Variants in PHACTR4 observed in about 807,000 individuals in gnomAD.
The protein encoded by PHACTR4 is protein phosphatase 1, regulatory subunit 124.
In PHACTR4, 51 loss-of-function variants were observed where a neutral mutation model predicts 72.7. The ratio of observed to expected loss-of-function variants is 0.70; its 90% CI spans 0.56 to 0.89. PHACTR4 has a LOEUF of 0.89. Among genes scored for constraint, PHACTR4 ranks in the 40% least tolerant of loss-of-function variants. The pLI is 0.00. For synonymous variants in PHACTR4, 255 were observed against 302.5 expected, an observed-to-expected ratio of 0.84 and a Z score of 1.63; for missense variants, 731 against 861.8, an observed-to-expected ratio of 0.85 and a Z score of 1.90.
chr1:28,455,069 C>T (rs1658277987), intron 2 of PHACTR4, among the ~76,000 whole-genome samples: 3 of 151,952 alleles, frequency 2.0e-5, no homozygotes, highest in African/African-American at 4.8e-5. Flanking sequence ...AGGGTTTCCT[C>T]ATGTTGGCCA....
chr1:28,408,837 G>T lies in PHACTR4; in HGVS notation c.16+1374G>T, dbSNP rs1026285840. Among the ~76,000 whole-genome samples, 4 of 138,572 alleles carry T rather than the reference G, an allele frequency of 2.9e-5. No homozygotes were observed. The South Asian group carries it at 6.6e-4, about 23-fold the overall frequency. The allele number at this position is 138,572 out of a possible 152,430, so 90.9% of individuals were successfully genotyped here. ...ACTATAGGTGTGCACCCCTATGCCC[G>T]ACTGATTTTTTTTTTTTTTTTTGGT... On this transcript the variant is annotated intron_variant, in intron 2 of 13. Transcript: ENST00000373839.
intron 2 of PHACTR4, among the ~76,000 whole-genome samples, chr1:28,425,772 G>C (rs939087176): frequency 2.0e-5 from 3 of 152,220 alleles, no homozygotes; most frequent in Non-Finnish European, 4.4e-5. Context: ...ATTAGGAAGA[G>C]TTGTGAAAGA....
intron 2 of PHACTR4, among the ~76,000 whole-genome samples, chr1:28,432,371 C>CT (rs112055906): frequency 0.32 from 42,903 of 135,534 alleles, 6,925 homozygotes; most frequent in Middle Eastern, 0.36. Context: ...CTCTCTCTCT[C>CT]TTTTTTTTTT....
intron 2 of PHACTR4, among the ~76,000 whole-genome samples, chr1:28,412,911 T>C (rs1387984472): frequency 6.6e-6 from 1 of 152,134 alleles, no homozygotes; most frequent in Non-Finnish European, 1.5e-5. Flanking sequence ...AGGGAGTGAT[T>C]AGCTCTGTGG....
intron 3 of PHACTR4, 97 bp downstream of exon 3, chr1:28,459,355 T>TTCAA: frequency 1.0e-6 from 1 of 986,714 alleles, no homozygotes; most frequent in Non-Finnish European, 1.5e-6. Context: ...TGTAGTCCTC[T>TTCAA]ATTTGAAGAG....
intron 2 of PHACTR4, among the ~76,000 whole-genome samples, chr1:28,412,541 T>G (rs1355023805): frequency 6.6e-6 from 1 of 152,228 alleles, no homozygotes; most frequent in African/African-American, 2.4e-5. Context: ...TCACTGTAAC[T>G]GTGTAGTTGT....
At chr1:28,419,883 G>T (rs1478501577) in intron 2 of PHACTR4, among the ~76,000 whole-genome samples, 1 of 152,114 alleles carries the variant, frequency 6.6e-6, no homozygotes, top group Non-Finnish European at 1.5e-5. Flanking sequence ...TTTGTCTAGT[G>T]ACAACCCATA....
chr1:28,394,446 A>G (rs1653319468), intron 1 of PHACTR4, among the ~76,000 whole-genome samples: 1 of 152,060 alleles, frequency 6.6e-6, no homozygotes, highest in African/African-American at 2.4e-5. Context: ...CTACCACACC[A>G]AGCTAATTTT....
At chr1:28,438,139 G>T in intron 2 of PHACTR4, 2 of 1,175,768 alleles carry the variant, frequency 1.7e-6, no homozygotes, top group Non-Finnish European at 2.1e-6. Flanking sequence ...GTGCATTCTG[G>T]AATGACAGGC....
At chr1:28,409,809 A>AGAT (rs2124293074) in intron 2 of PHACTR4, among the ~76,000 whole-genome samples, 2 of 152,184 alleles carry the variant, frequency 1.3e-5, no homozygotes, top group Admixed American at 1.3e-4. Flanking sequence ...TAACGACCTT[A>AGAT]GATAATTTCT....
chr1:28,490,463 C>T (rs1442028235), intron 10 of PHACTR4, among the ~76,000 whole-genome samples: 5 of 150,134 alleles, frequency 3.3e-5, no homozygotes, highest in African/African-American at 9.8e-5. Flanking sequence ...ACCCGGGAAG[C>T]GGAGCTTGCA....
chr1:28,383,840 A>C (rs1213927664), intron 1 of PHACTR4, among the ~76,000 whole-genome samples: 1 of 152,122 alleles, frequency 6.6e-6, no homozygotes, highest in Admixed American at 6.6e-5. Context: ...AGATGCCCTT[A>C]AATACCTACT....
chr1:28,466,622 C>T lies in PHACTR4; in HGVS notation c.677C>T (p.Thr226Ile), dbSNP rs749122214. 2.4e-5 allele frequency: 39 copies of T among 1,613,902 alleles called. No homozygotes were observed. Among genetic ancestry groups the T allele is most frequent in the Non-Finnish European group, 3.1e-5 (37 of 1,179,984 alleles). ...GCAAAGACTGTTAATCTCTCTGTCA[C>T]CCCTTCCCCAGCACCCAGGACTCTG... ...SLAKTVNLSV[T>I]PSPAPRTLPA... Residue 226 changes from threonine (T) to isoleucine (I), a missense_variant, in exon 6 of 14, where the codon ACC becomes ATC. Physicochemically the swap from Thr to Ile is moderately conservative, Grantham distance 89 (BLOSUM62 -1). This residue lies in a region of PHACTR4 where 621 missense variants were observed against 676.6 expected (regional missense o/e 0.92). Transcript: ENST00000373839.
chr1:28,397,131 T>C (rs1001370988), intron 1 of PHACTR4, among the ~76,000 whole-genome samples: 1 of 152,164 alleles, frequency 6.6e-6, no homozygotes, highest in African/African-American at 2.4e-5. Flanking sequence ...TGAATCATGA[T>C]AGAATTAAAA....
At chr1:28,377,117 A>G (rs1233127669) in intron 1 of PHACTR4, among the ~76,000 whole-genome samples, 7 of 151,522 alleles carry the variant, frequency 4.6e-5, no homozygotes, top group Non-Finnish European at 8.8e-5. Flanking sequence ...TTTAGTAGAG[A>G]CAGGGTTTCG....
rs1362123763 is a variant in PHACTR4, at chr1:28,498,186, A to G, written c.*1637A>G. On this transcript the variant is annotated 3_prime_UTR_variant, in exon 14 of 14. Coordinates refer to ENST00000373839, the MANE Select transcript of PHACTR4 (RefSeq NM_001048183.3). ...GCATTTATGAGCTGTCAGTCCCCAC[A>G]CTTCTAGCCAGAATCACAATAAGGT... The G allele has an allele frequency of 6.6e-6, 1 of 152,140 alleles. No individual in the cohort carries two copies. The highest frequency in any genetic ancestry group is 1.5e-5 in the Non-Finnish European group (1 of 68,028). The allele number at this position is 152,140 out of a possible 1,614,324, so 9.4% of individuals were successfully genotyped here.
At chr1:28,397,231 GTTTTA>G (rs1196965569) in intron 1 of PHACTR4, among the ~76,000 whole-genome samples, 1 of 151,992 alleles carries the variant, frequency 6.6e-6, no homozygotes, top group Non-Finnish European at 1.5e-5. Flanking sequence ...ATTTCTTCCT[GTTTTA>G]TTTTATAATA....
At chr1:28,392,177 T>C (rs547014215) in intron 1 of PHACTR4, among the ~76,000 whole-genome samples, 19 of 152,250 alleles carry the variant, frequency 1.2e-4, no homozygotes, top group African/African-American at 4.6e-4. Flanking sequence ...TTCTGAGTAG[T>C]GTGATGAAAT....
intron 1 of PHACTR4, among the ~76,000 whole-genome samples, chr1:28,399,382 T>C (rs966117599): frequency 3.3e-5 from 5 of 152,230 alleles, no homozygotes; most frequent in South Asian, 4.1e-4. Context: ...TTTTTGAGTT[T>C]AGTATGTCTC....
Sources: allele counts gnomAD v4.1 joint callset (sites outside exome capture counted in the v4.1 genomes callset), GRCh38; gene constraint gnomAD v4.1.1; regional missense constraint gnomAD v4.1.1; transcripts MANE v1.5; gene names NCBI Gene and HGNC (gene_info 2026-07-23, HGNC 2026-07-21).